Variants in PCGF5 observed in about 807,000 individuals in gnomAD.
PCGF5 encodes the protein polycomb group RING finger protein 5.
Under a neutral mutation model 44.3 loss-of-function variants are expected in PCGF5, and 9 were observed. That is an observed-to-expected ratio of 0.20 (90% CI 0.12 to 0.35). PCGF5 has a LOEUF of 0.35. Among genes scored for constraint, PCGF5 ranks in the 10% least tolerant of loss-of-function variants. The pLI, the probability that PCGF5 is intolerant of heterozygous loss-of-function variation, is 1.00. For missense variants in PCGF5, 146 were observed against 305.3 expected, an observed-to-expected ratio of 0.48 and a Z score of 3.89; for synonymous variants, 95 against 102.5, an observed-to-expected ratio of 0.93 and a Z score of 0.44.
upstream of PCGF5, among the ~76,000 whole-genome samples, chr10:91,219,049 C>T (rs1477668911): frequency 2.0e-5 from 3 of 152,058 alleles, no homozygotes; most frequent in Non-Finnish European, 2.9e-5. Context: ...AAGGCAGAGG[C>T]GAAACCACAG....
chr10:91,258,212 C>G (rs1021605832), intron 6 of PCGF5, among the ~76,000 whole-genome samples: 1 of 152,022 alleles, frequency 6.6e-6, no homozygotes. Context: ...GGAATTAGAT[C>G]ATAGTAATGG....
intron 1 of PCGF5, among the ~76,000 whole-genome samples, chr10:91,208,344 C>T (rs1844383821): frequency 6.6e-6 from 1 of 152,158 alleles, no homozygotes; most frequent in Non-Finnish European, 1.5e-5. Flanking sequence ...GTTGGCCTAA[C>T]TGCACTGATC....
At chr10:91,209,104 T>A (rs1456053599) in intron 1 of PCGF5, among the ~76,000 whole-genome samples, 1 of 152,226 alleles carries the variant, frequency 6.6e-6, no homozygotes, top group East Asian at 1.9e-4. Context: ...GAATTCCAAA[T>A]ATACATAGTA....
chr10:91,160,221 TCA>T (rs1843360909), upstream of PCGF5, among the ~76,000 whole-genome samples: 1 of 152,286 alleles, frequency 6.6e-6, no homozygotes, highest in African/African-American at 2.4e-5. Flanking sequence ...ATAGCCATTC[TCA>T]GTCTTTGGGG....
chr10:91,230,610 CATTT>C (rs1844976410), intron 2 of PCGF5, among the ~76,000 whole-genome samples: 1 of 151,862 alleles, frequency 6.6e-6, no homozygotes, highest in Non-Finnish European at 1.5e-5. Context: ...ATTGAACTAA[CATTT>C]ATTTATTTAG....
intron 1 of PCGF5, among the ~76,000 whole-genome samples, chr10:91,206,209 T>C (rs951004296): frequency 4.6e-5 from 7 of 152,126 alleles, no homozygotes; most frequent in African/African-American, 1.4e-4. Flanking sequence ...GGGTAGCTCC[T>C]GCCGTCAAGG....
chr10:91,232,476 G>A (rs575783300), intron 2 of PCGF5, among the ~76,000 whole-genome samples: 1 of 152,076 alleles, frequency 6.6e-6, no homozygotes, highest in Non-Finnish European at 1.5e-5. Context: ...AGGGAAGTAG[G>A]GTCAACAGAA....
intron 6 of PCGF5, among the ~76,000 whole-genome samples, chr10:91,252,404 A>G (rs186169201): frequency 1.5e-3 from 224 of 152,144 alleles, no homozygotes; most frequent in African/African-American, 5.1e-3. Flanking sequence ...GCATCTTATA[A>G]CAACATATAT....
intron 6 of PCGF5, among the ~76,000 whole-genome samples, chr10:91,254,502 A>G (rs1048153234): frequency 6.6e-6 from 1 of 151,970 alleles, no homozygotes; most frequent in African/African-American, 2.4e-5. Flanking sequence ...TGTGCCTAAG[A>G]GTTCTAGGCA....
intron 1 of PCGF5, among the ~76,000 whole-genome samples, chr10:91,197,643 C>T (rs181939310): frequency 6.6e-4 from 100 of 152,252 alleles, no homozygotes; most frequent in East Asian, 3.9e-4. Flanking sequence ...GTAGAGAGTG[C>T]GTGGGAGCCT....
upstream of PCGF5, among the ~76,000 whole-genome samples, chr10:91,216,664 A>G (rs1844546794): frequency 1.3e-5 from 2 of 152,234 alleles, no homozygotes; most frequent in Admixed American, 1.3e-4. Flanking sequence ...GGATCTGAAC[A>G]GGGTGGCTAA....
At chr10:91,258,547 A>C (rs188033341) in intron 6 of PCGF5, among the ~76,000 whole-genome samples, 159 of 152,222 alleles carry the variant, frequency 1.0e-3, no homozygotes, top group African/African-American at 3.7e-3. Flanking sequence ...ACACCCTTAT[A>C]TTCTTCTCTG....
chr10:91,237,170 G>A lies in PCGF5; in HGVS notation c.113-3314G>A, dbSNP rs149182929. Among the ~76,000 whole-genome samples the A allele has an allele frequency of 3.3e-4, 50 of 152,270 alleles. No individual in the cohort carries two copies. The East Asian group carries it at 7.9e-3, about 24-fold the overall frequency. ...ATCTAATTAATAGGAATGTAGTAAA[G>A]ATTAGATTATTAAATTGTATTGAAT... On this transcript the variant is annotated intron_variant, in intron 2 of 9. Transcript: ENST00000336126.
chr10:91,259,980 T>C (rs1198779775), intron 6 of PCGF5, among the ~76,000 whole-genome samples: 1 of 151,630 alleles, frequency 6.6e-6, no homozygotes, highest in African/African-American at 2.4e-5. Context: ...CTAATTAAAC[T>C]AAAGAGCTTC....
chr10:91,273,709 C>G (rs1372247685), intron 9 of PCGF5, among the ~76,000 whole-genome samples: 2 of 151,832 alleles, frequency 1.3e-5, no homozygotes, highest in African/African-American at 4.8e-5. Flanking sequence ...TTCTTAATAG[C>G]AAAAACTGAC....
At chr10:91,160,375 T>C (rs1029294339), upstream of PCGF5, among the ~76,000 whole-genome samples, 11 of 152,192 alleles carry the variant, frequency 7.2e-5, no homozygotes, top group African/African-American at 2.4e-4. Context: ...TCAGCAGTGT[T>C]GTTGGTGACG....
chr10:91,253,326 G>C (rs34771310), intron 6 of PCGF5, among the ~76,000 whole-genome samples: 3 of 151,516 alleles, frequency 2.0e-5, no homozygotes. Flanking sequence ...ATCCTGTCTC[G>C]CCCCCTACCA....
chr10:91,238,601 C>CTTTTTTTTTTTTTTTTTTTT lies in PCGF5; in HGVS notation c.113-1872_113-1853dup, dbSNP rs71487496. 1.7e-3 allele frequency among the ~76,000 whole-genome samples: 100 copies of CTTTTTTTTTTTTTTTTTTTT among 58,496 alleles called. 2 individuals are homozygous for CTTTTTTTTTTTTTTTTTTTT. Among genetic ancestry groups the CTTTTTTTTTTTTTTTTTTTT allele is most frequent in the Middle Eastern group, 0.014 (1 of 74 alleles). 38.4% of individuals were successfully genotyped at this position (58,496 alleles called of 152,430 possible). On this transcript the variant is annotated intron_variant, in intron 2 of 9. Transcript: ENST00000336126. The stretch of plus-strand genomic sequence containing the variant: ...CTCTCATTTCTTTCTTTCTTTCTTT[C>CTTTTTTTTTTTTTTTTTTTT]TTTTTTTTTTTTTTTTTTTTTTTTT...
intron 3 of PCGF5, 23 bp downstream of exon 3, chr10:91,240,603 T>C (rs1845298084): frequency 6.8e-7 from 1 of 1,473,796 alleles, no homozygotes; most frequent in African/African-American, 1.4e-5. Flanking sequence ...TATTTTACAG[T>C]TCATCTAATT....
Sources: gnomAD v4.1 joint callset for allele counts (sites outside exome capture counted in the v4.1 genomes callset) on GRCh38, gnomAD v4.1.1 for gene constraint, MANE v1.5 for transcripts, NCBI Gene and HGNC (gene_info 2026-07-23, HGNC 2026-07-21) for gene names.